Variants in NSUN6 observed in about 807,000 individuals in gnomAD.
NSUN6 encodes tRNA (cytosine(72)-C(5))-methyltransferase NSUN6.
In NSUN6, 64 loss-of-function variants were observed where a neutral mutation model predicts 58.0. The observed-to-expected ratio is 1.10, with a 90% CI of 0.90 to 1.36. The LOEUF (loss-of-function observed/expected upper bound fraction) is 1.36. NSUN6 is among the 40% of genes most tolerant of loss of function. The pLI is 0.00. For missense variants in NSUN6, 701 were observed against 550.1 expected, an observed-to-expected ratio of 1.27 and a Z score of -2.74; for synonymous variants, 231 against 193.9, an observed-to-expected ratio of 1.19 and a Z score of -1.59.
intron 6 of NSUN6, among the ~76,000 whole-genome samples, chr10:18,607,301 T>G (rs1358989378): frequency 6.6e-6 from 1 of 152,236 alleles, no homozygotes. Flanking sequence ...TGAGAATCAT[T>G]ATGTATGTAA....
chr10:18,624,061 G>T (rs2058701724), intron 3 of NSUN6, among the ~76,000 whole-genome samples: 1 of 151,992 alleles, frequency 6.6e-6, no homozygotes, highest in African/African-American at 2.4e-5. Flanking sequence ...GCAGAAGGTA[G>T]ATTTTAAAAA....
chr10:18,642,512 A>C lies in NSUN6; in HGVS notation c.275T>G (p.Leu92Arg), dbSNP rs1350276869. The change falls in exon 3 of 11, where the codon CTT (leucine) becomes CGT (arginine). Residue 92 changes from leucine to arginine, a missense_variant. Transcript: ENST00000377304. ...LSVPILQHPD[L>R]QDVLLIPVIG... Reference sequence around the variant, plus strand: ...AACAGGAATAAGTAACACATCTTGAAGGTCTGGATGTTGAAGAATAGGAAC... The same window carrying C: ...AACAGGAATAAGTAACACATCTTGACGGTCTGGATGTTGAAGAATAGGAAC... The C allele has an allele frequency of 4.5e-6, 7 of 1,562,144 alleles. No homozygotes were observed. Among genetic ancestry groups the C allele is most frequent in the African/African-American group, 1.4e-5 (1 of 73,934 alleles).
At chr10:18,553,790 G>C (rs2054778706) in intron 8 of NSUN6, among the ~76,000 whole-genome samples, 1 of 151,354 alleles carries the variant, frequency 6.6e-6, no homozygotes, top group Non-Finnish European at 1.5e-5. Context: ...ATGGAATAGA[G>C]AATGGAGAAT....
At chr10:18,588,737 G>T (rs1196768910) in intron 7 of NSUN6, among the ~76,000 whole-genome samples, 2 of 152,096 alleles carry the variant, frequency 1.3e-5, no homozygotes, top group Non-Finnish European at 2.9e-5. Context: ...CAACAAAAAA[G>T]ACCCCCACAA....
rs965819416 is a variant in NSUN6, at chr10:18,606,340, A to G, written c.657+3505T>C. Among the ~76,000 whole-genome samples, 4 of 151,924 alleles carry G rather than the reference A, an allele frequency of 2.6e-5. No homozygotes were observed. In the South Asian group the frequency reaches 8.3e-4, roughly 32 times the overall value. ...GATGAAGCCAAAATGAGTGACATTA[A>G]CAAAATACCTTAGTCTCAAAACTGT... On this transcript the variant is annotated intron_variant, in intron 6 of 10. Coordinates refer to ENST00000377304, the MANE Select transcript of NSUN6 (RefSeq NM_182543.5).
intron 3 of NSUN6, among the ~76,000 whole-genome samples, chr10:18,622,321 A>G (rs1432262798): frequency 3.3e-5 from 5 of 152,220 alleles, no homozygotes; most frequent in Non-Finnish European, 7.3e-5. Context: ...GGCACTCACC[A>G]GAACCCAAGC....
chr10:18,582,307 C>T (rs1162327319), intron 8 of NSUN6, among the ~76,000 whole-genome samples: 1 of 152,210 alleles, frequency 6.6e-6, no homozygotes, highest in East Asian at 1.9e-4. Context: ...GTTGTGGAGG[C>T]TCTCTCCTGC....
At chr10:18,572,529 TATTCC>T (rs1207011197) in intron 8 of NSUN6, among the ~76,000 whole-genome samples, 1 of 140,218 alleles carries the variant, frequency 7.1e-6, no homozygotes, top group Non-Finnish European at 1.5e-5. Flanking sequence ...CTCCATTCCC[TATTCC>T]ATTCCATTTT....
rs142441952 is a variant in NSUN6 at position 18,581,781 on chromosome 10, G to A, written c.922+4168C>T. Among the ~76,000 whole-genome samples, 295 of 151,376 alleles carry A rather than the reference G, an allele frequency of 1.9e-3. 4 individuals carry two copies. The South Asian group carries it at 0.033, about 17-fold the overall frequency. On this transcript the variant is annotated intron_variant, in intron 8 of 10. Coordinates refer to ENST00000377304, the MANE Select transcript of NSUN6 (RefSeq NM_182543.5). ...GCGGAGGCTGAAGTGAGCCGAGATC[G>A]TGCCACTGTACTCCAGACTGGTGAC...
intron 8 of NSUN6, among the ~76,000 whole-genome samples, chr10:18,571,857 A>C (rs1193793630): frequency 6.9e-6 from 1 of 145,042 alleles, no homozygotes; most frequent in African/African-American, 2.6e-5. Context: ...GCATTCCATT[A>C]CATTTTCCAT....
intron 9 of NSUN6, among the ~76,000 whole-genome samples, chr10:18,551,243 G>GTT (rs1554847991): frequency 2.0e-5 from 1 of 50,384 alleles, no homozygotes; most frequent in African/African-American, 8.6e-5. Flanking sequence ...GGTCCTCTCA[G>GTT]TTGTGTGTGT....
rs773680841 is a variant in NSUN6, at chr10:18,651,253, TTTG to T, written c.-53_-51del. Reference sequence around the variant, plus strand: ...CAAGAGAAATGCTGGAAAACGGTGTTTTGTTTTTTTTTTTCTTTCCGAATTAAT... The same window carrying T: ...CAAGAGAAATGCTGGAAAACGGTGTTTTTTTTTTTTTCTTTCCGAATTAAT... On this transcript the variant is annotated 5_prime_UTR_variant, in exon 1 of 11. Coordinates refer to ENST00000377304, the MANE Select transcript of NSUN6 (RefSeq NM_182543.5). 5.4e-6 allele frequency: 8 copies of T among 1,482,994 alleles called. No homozygotes were observed. The East Asian group carries it at 8.0e-5, about 15-fold the overall frequency. The allele number at this position is 1,482,994 out of a possible 1,614,324, so 91.9% of individuals were successfully genotyped here. A position where few individuals can be genotyped will look rare whatever the true frequency, so the allele number is the denominator to read the frequency against.
intron 3 of NSUN6, among the ~76,000 whole-genome samples, chr10:18,630,485 C>G (rs923508554): frequency 1.1e-4 from 16 of 151,788 alleles, no homozygotes; most frequent in Non-Finnish European, 1.8e-4. Flanking sequence ...TTGAAAGGAT[C>G]AACAAAATTG....
chr10:18,603,209 G>T (rs954301457), intron 6 of NSUN6, among the ~76,000 whole-genome samples: 2 of 152,138 alleles, frequency 1.3e-5, no homozygotes, highest in African/African-American at 2.4e-5. Context: ...ATGAGAATCG[G>T]TTGAACCTGG....
chr10:18,547,103 G>T (rs537857363), intron 10 of NSUN6, among the ~76,000 whole-genome samples: 2 of 152,138 alleles, frequency 1.3e-5, no homozygotes, highest in South Asian at 4.2e-4. Flanking sequence ...ACAAACATAA[G>T]AAAGGAAACA....
intron 8 of NSUN6, among the ~76,000 whole-genome samples, chr10:18,568,621 T>C (rs1033340757): frequency 3.3e-5 from 5 of 150,990 alleles, no homozygotes; most frequent in Non-Finnish European, 7.4e-5. Flanking sequence ...TTGCATTCCA[T>C]TCTCCATTCC....
At chr10:18,598,819 T>C (rs916176626) in intron 6 of NSUN6, among the ~76,000 whole-genome samples, 1 of 152,170 alleles carries the variant, frequency 6.6e-6, no homozygotes, top group Non-Finnish European at 1.5e-5. Context: ...ATGAAAACAC[T>C]AATACACGTT....
intron 6 of NSUN6, among the ~76,000 whole-genome samples, chr10:18,605,341 TA>T (rs1393888296): frequency 4.0e-5 from 6 of 150,832 alleles, no homozygotes; most frequent in Admixed American, 4.0e-4. Context: ...ATTGAAAAAA[TA>T]GGAATTTGTG....
chr10:18,657,760 C>T (rs2059793242), upstream of NSUN6, among the ~76,000 whole-genome samples: 1 of 152,008 alleles, frequency 6.6e-6, no homozygotes, highest in Non-Finnish European at 1.5e-5. Flanking sequence ...ATTACAGGCG[C>T]GTGCCACCAC....
Sources: allele counts gnomAD v4.1 joint callset (sites outside exome capture counted in the v4.1 genomes callset), GRCh38; gene constraint gnomAD v4.1.1; transcripts MANE v1.5; gene names NCBI Gene and HGNC (gene_info 2026-07-23, HGNC 2026-07-21).